The following GSDMD variants were observed in gnomAD, a reference collection of about 807,000 sequenced individuals.
GSDMD encodes gasdermin D, also known as gasdermin-D.
GSDMD carries 46 observed loss-of-function variants against 46.7 expected under a neutral mutation model. The observed-to-expected ratio is 0.99, with a 90% CI of 0.78 to 1.26. The LOEUF is 1.26. Among genes scored for constraint, GSDMD ranks in the 50% most tolerant of loss-of-function variants. The pLI, the probability that GSDMD is intolerant of heterozygous loss-of-function variation, is 0.00. For missense variants in GSDMD, 649 were observed against 638.8 expected, an observed-to-expected ratio of 1.02 and a Z score of -0.17; for synonymous variants, 307 against 283.1, an observed-to-expected ratio of 1.08 and a Z score of -0.85.
rs7840446 is a variant in GSDMD, at chr8:143,559,344, G to T, written c.9G>T (p.Ser3=). 5.1e-3 allele frequency: 8,155 copies of T among 1,610,978 alleles called. 311 individuals carry two copies. The African/African-American group carries it at 0.09, about 18-fold the overall frequency. The change falls in exon 2 of 11, where the codon TCG becomes TCT. Residue 3 remains serine, a synonymous_variant. Coordinates refer to ENST00000262580, the MANE Select transcript of GSDMD (RefSeq NM_024736.7). ...TTCCCCTCCTCAGGAGCATGGGGTC[G>T]GCCTTTGAGCGGGTAGTCCGGAGAG... is the stretch of plus-strand genomic sequence containing the variant. The part of the protein sequence containing the change: MG[S]AFERVVRRVV...
Position 143,563,014 on chromosome 8 carries a change from T to C in GSDMD, c.*110T>C. The C allele has an allele frequency of 8.0e-7, 1 of 1,250,220 alleles. No homozygotes were observed. The highest frequency in any genetic ancestry group is 2.2e-4 in the Middle Eastern group (1 of 4,564). 77.4% of individuals were successfully genotyped at this position (1,250,220 alleles called of 1,614,324 possible). On this transcript the variant is annotated 3_prime_UTR_variant, in exon 11 of 11. Coordinates refer to ENST00000262580, the MANE Select transcript of GSDMD (RefSeq NM_024736.7). The stretch of plus-strand genomic sequence containing the variant: ...CAGTAGCCATGTGGCCAGTCTACCA[T>C]GGGGCCCAGGAGTTGGGGAAACACA...
Position 143,558,422 on chromosome 8 carries a change from C to A in GSDMD, c.-34C>A. The A allele has an allele frequency of 6.6e-7, 1 of 1,506,514 alleles. No homozygotes were observed. The highest frequency in any genetic ancestry group is 8.8e-7 in the Non-Finnish European group (1 of 1,134,200). The allele number at this position is 1,506,514 out of a possible 1,614,324, so 93.3% of individuals were successfully genotyped here. On this transcript the variant is annotated 5_prime_UTR_variant, in exon 1 of 11. Coordinates refer to ENST00000262580, the MANE Select transcript of GSDMD (RefSeq NM_024736.7). ...TCCCAGGGAGAGCAGACGCGCCAGA[C>A]GCGCCACCCTCGGGGCGCCGACGGT...
rs765805934 is a variant in GSDMD, at chr8:143,560,396, G to T, written c.411-207G>T. Reference sequence around the variant, plus strand: ...CCCAGGTGAGGGGGCCGCACCTCGAGTCTGGACTTGGAGTCCCCGAGTCCA... The same window carrying T: ...CCCAGGTGAGGGGGCCGCACCTCGATTCTGGACTTGGAGTCCCCGAGTCCA... On this transcript the variant is annotated intron_variant, in intron 3 of 10. Coordinates refer to ENST00000262580, the MANE Select transcript of GSDMD (RefSeq NM_024736.7). The T allele has an allele frequency of 2.0e-4, 126 of 634,514 alleles. 2 individuals carry two copies. The Middle Eastern group carries it at 5.0e-3, about 25-fold the overall frequency. The allele number at this position is 634,514 out of a possible 1,614,324, so 39.3% of individuals were successfully genotyped here.
chr8:143,559,281 CCCT>C, intron 1 of GSDMD, 48 bp from the exon 2 acceptor site: 13 of 410,984 alleles, frequency 3.2e-5, no homozygotes, highest in East Asian at 2.6e-4. Flanking sequence ...TTCTCCCACT[CCCT>C]CCCGCCCGCC....
chr8:143,559,718 G>C, intron 2 of GSDMD, 59 bp from the exon 3 acceptor site: 2 of 1,524,064 alleles, frequency 1.3e-6, no homozygotes, highest in Non-Finnish European at 1.8e-6. Context: ...GGACAGGGCT[G>C]GTGGGGGCGG....
chr8:143,562,625 T>G, intron 10 of GSDMD, 37 bp from the exon 11 acceptor site: 1 of 1,599,710 alleles, frequency 6.3e-7, no homozygotes, highest in Non-Finnish European at 8.5e-7. Context: ...GATGCCCAGA[T>G]TTCCCCATCT....
chr8:143,559,007 G>A, intron 1 of GSDMD: 1 of 425,498 alleles, frequency 2.4e-6, no homozygotes, highest in East Asian at 3.8e-5. Flanking sequence ...CTCAGGAGGT[G>A]ACAGCTTGTT....
chr8:143,560,431 A>G (rs1823424280), intron 3 of GSDMD, 172 bp from the exon 4 acceptor site: 2 of 669,624 alleles, frequency 3.0e-6, no homozygotes, highest in Admixed American at 2.8e-5. Context: ...ACCTTTCCTC[A>G]TGGGGTCCCG....
At chr8:143,561,214 G>A (rs1261835983) in intron 5 of GSDMD, 110 bp downstream of exon 5, 6 of 1,249,440 alleles carry the variant, frequency 4.8e-6, no homozygotes, top group African/African-American at 1.5e-5. Context: ...GCTGAACAAC[G>A]TCCTGTGTCT....
At chr8:143,553,528 T>A (rs1162482477), upstream of GSDMD, 4 of 146,686 alleles carry the variant, frequency 2.7e-5, 1 homozygote, top group Non-Finnish European at 6.1e-5. Flanking sequence ...GGCGGAGGGA[T>A]GAACCCCGAC....
chr8:143,562,253 T>C lies in GSDMD; in HGVS notation c.1041T>C (p.Gly347=). The part of the protein sequence containing the change: ...QSLGPVEPLD[G]PAGAVLECLV... ...TTGGGCCGGTGGAGCCCCTGGACGG[T>C]CCAGCAGGTGCTGTCCTGGAGTGCC... is the stretch of plus-strand genomic sequence containing the variant. Residue 347 remains glycine (G), a synonymous_variant, in exon 9 of 11, where the codon GGT becomes GGC. Transcript: ENST00000262580. The C allele has an allele frequency of 6.4e-7, 1 of 1,560,854 alleles. No homozygotes were observed. The highest frequency in any genetic ancestry group is 8.7e-7 in the Non-Finnish European group (1 of 1,154,820).
At chr8:143,557,413 C>CGCTATGATGAAGGATGCTGCT (rs1563902868), upstream of GSDMD, among the ~76,000 whole-genome samples, 85 of 152,026 alleles carry the variant, frequency 5.6e-4, no homozygotes, top group African/African-American at 1.8e-3. Context: ...CAGCTGCTGC[C>CGCTATGATGAAGGATGCTGCT]GCTGTGGCGA....
intron 3 of GSDMD, 109 bp downstream of exon 3, chr8:143,560,078 C>G: frequency 9.3e-7 from 1 of 1,079,892 alleles, no homozygotes; most frequent in Non-Finnish European, 1.4e-6. Flanking sequence ...TTTGCTATCT[C>G]GGCCAGGGTG....
upstream of GSDMD, chr8:143,558,288 G>A (rs951033073): frequency 2.0e-6 from 3 of 1,489,042 alleles, no homozygotes; most frequent in African/African-American, 4.3e-5. Context: ...AAGGGGGCCG[G>A]GGCGGGCTCT....
At chr8:143,556,238 G>C (rs1374739711), upstream of GSDMD, among the ~76,000 whole-genome samples, 1 of 151,928 alleles carries the variant, frequency 6.6e-6, no homozygotes, top group African/African-American at 2.4e-5. Context: ...AAATTAGCCG[G>C]GTGTGGTGGT....
At chr8:143,560,914 C>CGGGGG in intron 4 of GSDMD, 88 bp from the exon 5 acceptor site, 1 of 1,448,308 alleles carries the variant, frequency 6.9e-7, no homozygotes, top group Non-Finnish European at 9.4e-7. Flanking sequence ...AGTCACCTGG[C>CGGGGG]GGCGGGCCTG....
chr8:143,558,523 T>TG, intron 1 of GSDMD, 72 bp downstream of exon 1: 2 of 1,311,670 alleles, frequency 1.5e-6, no homozygotes, highest in Non-Finnish European at 2.0e-6. Context: ...GGCTCCCGGG[T>TG]GGGGGATGCT....
upstream of GSDMD, among the ~76,000 whole-genome samples, chr8:143,557,341 G>GACA (rs1563902646): frequency 4.3e-5 from 6 of 141,104 alleles, no homozygotes; most frequent in African/African-American, 1.5e-4. Flanking sequence ...CTATGGTGAA[G>GACA]GATGCTGCCG....
At chr8:143,558,988 T>C in intron 1 of GSDMD, 1 of 567,300 alleles carries the variant, frequency 1.8e-6, no homozygotes, top group East Asian at 3.6e-5. Flanking sequence ...AGTGGGTCCC[T>C]GCACCACGCT....
Sources: allele counts gnomAD v4.1 joint callset (sites outside exome capture counted in the v4.1 genomes callset), GRCh38; gene constraint gnomAD v4.1.1; transcripts MANE v1.5; gene names NCBI Gene and HGNC (gene_info 2026-07-23, HGNC 2026-07-21).